Variants in RPSA2 observed in about 807,000 individuals in gnomAD.
The protein encoded by RPSA2 is ribosomal protein SA 2, also known as small ribosomal subunit protein uS2B.
At chr19:23,803,001 A>C in the RPSA2 span, among the ~76,000 whole-genome samples, 6 of 152,170 alleles carry the variant, frequency 3.9e-5, no homozygotes, top group Non-Finnish European at 8.8e-5. Context: ...GAAAACCTTA[A>C]GAGATTTGTT....
chr19:23,846,321 A>G, the RPSA2 span, among the ~76,000 whole-genome samples: 2 of 6,184 alleles, frequency 3.2e-4, no homozygotes. Flanking sequence ...TCAAGATTAT[A>G]TTAATATTAA....
the RPSA2 span, among the ~76,000 whole-genome samples, chr19:23,837,533 T>C: frequency 3.9e-5 from 6 of 152,198 alleles, no homozygotes; most frequent in Admixed American, 3.9e-4. Flanking sequence ...TTGTGTTGAA[T>C]TTATTGATTG....
At chr19:23,865,821 G>A in the RPSA2 span, among the ~76,000 whole-genome samples, 1 of 152,260 alleles carries the variant, frequency 6.6e-6, no homozygotes, top group Non-Finnish European at 1.5e-5. Context: ...CACTCTTGTA[G>A]AGTTTAAATT....
At chr19:23,855,490 C>T in the RPSA2 span, among the ~76,000 whole-genome samples, 2 of 152,274 alleles carry the variant, frequency 1.3e-5, no homozygotes, top group African/African-American at 4.8e-5. Flanking sequence ...GAGGTTCCAG[C>T]ACGACCAGAT....
the RPSA2 span, among the ~76,000 whole-genome samples, chr19:23,821,177 C>T: frequency 9.2e-5 from 14 of 152,178 alleles, no homozygotes; most frequent in Admixed American, 5.2e-4. Context: ...TAACTCAGTG[C>T]GATACTCAGG....
the RPSA2 span, chr19:23,828,011 G>A: frequency 2.6e-6 from 2 of 758,230 alleles, no homozygotes; most frequent in Non-Finnish European, 4.4e-6. Context: ...CACTGCTCAG[G>A]CCACTGAATG....
At chr19:23,809,968 C>T in the RPSA2 span, among the ~76,000 whole-genome samples, 1 of 74,272 alleles carries the variant, frequency 1.3e-5, no homozygotes, top group Non-Finnish European at 2.7e-5. Context: ...TTTCAGAGAG[C>T]AAAAATAAAT....
At chr19:23,870,091 G>A in the RPSA2 span, among the ~76,000 whole-genome samples, 1 of 152,156 alleles carries the variant, frequency 6.6e-6, no homozygotes, top group Non-Finnish European at 1.5e-5. Flanking sequence ...TGCCACCCCT[G>A]TTTGGCACTT....
the RPSA2 span, among the ~76,000 whole-genome samples, chr19:23,857,593 A>G: frequency 6.8e-6 from 1 of 146,752 alleles, no homozygotes; most frequent in Non-Finnish European, 1.5e-5. Flanking sequence ...CAATTTGAAG[A>G]GATTCTCCTG....
chr19:23,840,199 T>C, the RPSA2 span, among the ~76,000 whole-genome samples: 9 of 152,376 alleles, frequency 5.9e-5, no homozygotes, highest in Admixed American at 4.6e-4. Context: ...TTTTCATTTC[T>C]ACTTCTGATG....
At chr19:23,773,317 A>C in the RPSA2 span, among the ~76,000 whole-genome samples, 1 of 142,546 alleles carries the variant, frequency 7.0e-6, no homozygotes. Flanking sequence ...ACAGAGTCTC[A>C]CTGTCACCCA....
At chr19:23,839,607 T>C in the RPSA2 span, among the ~76,000 whole-genome samples, 1 of 152,236 alleles carries the variant, frequency 6.6e-6, no homozygotes, top group Non-Finnish European at 1.5e-5. Context: ...ACGCCTTCCC[T>C]GAGTTCTTGC....
chr19:23,840,628 G>A, the RPSA2 span, among the ~76,000 whole-genome samples: 1 of 152,176 alleles, frequency 6.6e-6, no homozygotes, highest in Non-Finnish European at 1.5e-5. Context: ...CTTCTAGAAT[G>A]CTTAAAGAGA....
At chr19:23,765,984 C>CTT in the RPSA2 span, among the ~76,000 whole-genome samples, 148,659 of 151,964 alleles carry the variant, frequency 0.98, 72,805 homozygotes, top group Middle Eastern at 1. Context: ...CATAAAAAGA[C>CTT]ATAAGGTATT....
the RPSA2 span, among the ~76,000 whole-genome samples, chr19:23,865,354 A>G: frequency 0.097 from 14,748 of 152,232 alleles, 988 homozygotes; most frequent in South Asian, 0.2. Context: ...GTTATTACAC[A>G]TAACCCATTG....
the RPSA2 span, chr19:23,832,106 A>G: frequency 2.2e-6 from 1 of 445,176 alleles, no homozygotes; most frequent in Non-Finnish European, 4.5e-6. Context: ...CTTACTACAC[A>G]TAAAATAATT....
At chr19:23,842,295 T>A in the RPSA2 span, among the ~76,000 whole-genome samples, 30 of 152,254 alleles carry the variant, frequency 2.0e-4, no homozygotes, top group Admixed American at 1.8e-3. Context: ...CTTGTGTTTA[T>A]GCCATAAGTT....
At chr19:23,834,621 G>A in the RPSA2 span, among the ~76,000 whole-genome samples, 2 of 152,016 alleles carry the variant, frequency 1.3e-5, no homozygotes, top group East Asian at 1.9e-4. Context: ...TTTATTAATT[G>A]CACTTTTATG....
chr19:23,785,993 T>C, the RPSA2 span, among the ~76,000 whole-genome samples: 2 of 152,198 alleles, frequency 1.3e-5, no homozygotes, highest in African/African-American at 4.8e-5. Context: ...ACCCCACCAA[T>C]TGTTAGAATT....
Sources: allele counts gnomAD v4.1 joint callset (sites outside exome capture counted in the v4.1 genomes callset), GRCh38; gene constraint gnomAD v4.1.1; transcripts MANE v1.5; gene names NCBI Gene and HGNC (gene_info 2026-07-23, HGNC 2026-07-21).